Variants in PSTPIP2 observed in about 807,000 individuals in gnomAD.
The protein encoded by PSTPIP2 is proline-serine-threonine phosphatase-interacting protein 2.
A neutral mutation model predicts 63.3 loss-of-function variants in PSTPIP2; 33 were observed. The observed-to-expected ratio is 0.52, with a 90% CI of 0.40 to 0.70. The LOEUF (loss-of-function observed/expected upper bound fraction) is 0.70, where lower values mean the gene tolerates loss of function less well. Ranked by LOEUF, PSTPIP2 falls within the 30% of genes least tolerant of loss-of-function variation. The pLI is 0.00. For missense variants in PSTPIP2, 312 were observed against 400.7 expected (o/e 0.78, Z 1.89); for synonymous variants, 125 against 132.7 (o/e 0.94, Z 0.40).
In PSTPIP2 at chr18:46,041,452, T is replaced by G. The variant is rs113612055; in HGVS notation, c.34-1405A>C. Among the ~76,000 whole-genome samples the G allele has an allele frequency of 5.8e-3, 887 of 152,308 alleles. 17 individuals carry two copies. Among genetic ancestry groups the G allele is most frequent in the Admixed American group, 0.034 (513 of 15,294 alleles). ...AGTAAAGGTGAGGGTCTCGCCATGT[T>G]GCCCAGTCTGGTCTCGAACTCCTGA... On this transcript the variant is annotated intron_variant, in intron 1 of 14. Coordinates refer to ENST00000409746, the MANE Select transcript of PSTPIP2 (RefSeq NM_024430.4).
At chr18:46,056,443 G>A (rs1908757470) in intron 1 of PSTPIP2, among the ~76,000 whole-genome samples, 1 of 152,222 alleles carries the variant, frequency 6.6e-6, no homozygotes, top group South Asian at 2.1e-4. Flanking sequence ...GCCAGGCGTG[G>A]TTGCTCATGC....
Position 45,983,735 on chromosome 18 carries a change from G to A in PSTPIP2, c.*1724C>T, listed in dbSNP as rs1484132601. 2.0e-5 allele frequency: 3 copies of A among 152,138 alleles called. No individual in the cohort carries two copies. The highest frequency in any genetic ancestry group is 1.3e-4 in the Admixed American group (2 of 15,268). The allele number at this position is 152,138 out of a possible 1,614,324, so 9.4% of individuals were successfully genotyped here. On this transcript the variant is annotated 3_prime_UTR_variant, in exon 15 of 15. Transcript: ENST00000409746. The stretch of plus-strand genomic sequence containing the variant: ...GTGTAAAGGAACATTTCCTGAGCCC[G>A]TTCAGTTTGGGGAAATTTGGCCCTT...
intron 2 of PSTPIP2, chr18:46,029,203 G>T: frequency 9.4e-7 from 1 of 1,060,804 alleles, no homozygotes; most frequent in Non-Finnish European, 1.5e-6. Flanking sequence ...TAATTCCTGT[G>T]CATCAAGTGA....
At chr18:46,069,249 T>G (rs1909306785) in intron 1 of PSTPIP2, among the ~76,000 whole-genome samples, 2 of 152,286 alleles carry the variant, frequency 1.3e-5, no homozygotes, top group South Asian at 4.1e-4. Context: ...TGTCTGATCA[T>G]CCCAAAAACT....
At chr18:46,010,923 A>G in intron 5 of PSTPIP2, 1 of 401,536 alleles carries the variant, frequency 2.5e-6, no homozygotes, top group Non-Finnish European at 4.5e-6. Flanking sequence ...CATAGTCTGA[A>G]TAGCGGCAGC....
rs527633031 is a variant in PSTPIP2, at chr18:46,055,125, A to T, written c.34-15078T>A. On this transcript the variant is annotated intron_variant, in intron 1 of 14. Transcript: ENST00000409746. ...CCTCTAACTGATCCTTTCCAGCCTC[A>T]CTGTTATCTCTCCCCTTTCCCCTGA... Among the ~76,000 whole-genome samples the T allele has an allele frequency of 8.6e-4, 131 of 152,020 alleles. 1 individual carries two copies. The highest frequency in any genetic ancestry group is 2.3e-3 in the Admixed American group (35 of 15,258).
chr18:46,059,754 C>T (rs977280559), intron 1 of PSTPIP2, among the ~76,000 whole-genome samples: 5 of 151,990 alleles, frequency 3.3e-5, no homozygotes, highest in African/African-American at 7.3e-5. Flanking sequence ...CTAGGCTGGG[C>T]GTGGTGGCTC....
chr18:46,064,540 T>C (rs1438848343), intron 1 of PSTPIP2, among the ~76,000 whole-genome samples: 1 of 149,970 alleles, frequency 6.7e-6, no homozygotes, highest in East Asian at 2.0e-4. Context: ...CCTCAGGTGA[T>C]TCACCCGCCT....
intron 1 of PSTPIP2, among the ~76,000 whole-genome samples, chr18:46,065,657 G>C (rs1029813542): frequency 5.3e-5 from 8 of 152,094 alleles, no homozygotes; most frequent in Non-Finnish European, 8.8e-5. Context: ...AGTAGAGACA[G>C]GGTTTCACCA....
At chr18:46,006,355 T>G in intron 5 of PSTPIP2, among the ~76,000 whole-genome samples, 1 of 86,712 alleles carries the variant, frequency 1.2e-5, no homozygotes, top group Admixed American at 1.6e-4. Flanking sequence ...TGCCCAGCCC[T>G]GGTACTTTTT....
At chr18:46,000,179 C>T (rs968124047) in intron 6 of PSTPIP2, among the ~76,000 whole-genome samples, 2 of 152,014 alleles carry the variant, frequency 1.3e-5, no homozygotes, top group Middle Eastern at 3.2e-3. Context: ...AAAATAGTTA[C>T]GTAACTCTAA....
At chr18:46,043,633 C>A (rs1352338215) in intron 1 of PSTPIP2, among the ~76,000 whole-genome samples, 1 of 152,194 alleles carries the variant, frequency 6.6e-6, no homozygotes, top group Non-Finnish European at 1.5e-5. Flanking sequence ...TTCTATTCAA[C>A]ACACTGAATG....
chr18:46,002,378 C>A (rs536808905), intron 6 of PSTPIP2, among the ~76,000 whole-genome samples: 4 of 152,120 alleles, frequency 2.6e-5, no homozygotes, highest in African/African-American at 4.8e-5. Flanking sequence ...AGTGTTAGAT[C>A]TTTTCTTATA....
intron 13 of PSTPIP2, among the ~76,000 whole-genome samples, chr18:45,990,519 TC>T: frequency 6.6e-6 from 1 of 152,132 alleles, no homozygotes; most frequent in Non-Finnish European, 1.5e-5. Flanking sequence ...ATCCTCCACC[TC>T]CCAGGTTCAA....
At chr18:46,037,041 A>G (rs1359312995) in intron 2 of PSTPIP2, among the ~76,000 whole-genome samples, 3 of 152,212 alleles carry the variant, frequency 2.0e-5, no homozygotes, top group African/African-American at 7.2e-5. Flanking sequence ...TTCAAAAATA[A>G]TTATTACATA....
chr18:45,996,054 G>T (rs1030513791), intron 9 of PSTPIP2, among the ~76,000 whole-genome samples: 3 of 152,174 alleles, frequency 2.0e-5, no homozygotes, highest in African/African-American at 7.2e-5. Context: ...GACCTCAGGT[G>T]ATCTGCCTGC....
At chr18:46,010,454 A>T (rs1431801637) in intron 5 of PSTPIP2, among the ~76,000 whole-genome samples, 3 of 152,132 alleles carry the variant, frequency 2.0e-5, no homozygotes, top group African/African-American at 2.4e-5. Flanking sequence ...CACAGAAAAA[A>T]ATTCTCTAAG....
chr18:46,026,568 T>C (rs1449716027), intron 2 of PSTPIP2, among the ~76,000 whole-genome samples: 1 of 152,186 alleles, frequency 6.6e-6, no homozygotes, highest in African/African-American at 2.4e-5. Context: ...TACTCAAAAA[T>C]AAACATGAAG....
At chr18:46,018,672 A>ATT (rs34033303) in intron 3 of PSTPIP2, among the ~76,000 whole-genome samples, 2 of 151,630 alleles carry the variant, frequency 1.3e-5, no homozygotes, top group African/African-American at 2.4e-5. Context: ...TTTTACTGAG[A>ATT]TTTTTTTTCT....
Sources: allele counts gnomAD v4.1 joint callset (sites outside exome capture counted in the v4.1 genomes callset), GRCh38; gene constraint gnomAD v4.1.1; transcripts MANE v1.5; gene names NCBI Gene and HGNC (gene_info 2026-07-23, HGNC 2026-07-21).